Variants in ADGRL4 observed in about 807,000 individuals in gnomAD.
The protein encoded by ADGRL4 is EGF, latrophilin and seven transmembrane domain containing 1.
In ADGRL4, 90 loss-of-function variants were observed where a neutral mutation model predicts 74.8. That is an observed-to-expected ratio of 1.20 (90% CI 1.02 to 1.43). The LOEUF (loss-of-function observed/expected upper bound fraction) is 1.43. Among genes scored for constraint, ADGRL4 ranks in the 40% most tolerant of loss-of-function variants. The probability of loss-of-function intolerance (pLI) is 0.00; values close to 1 mark genes in which losing one functional copy is unlikely to be tolerated. For synonymous variants in ADGRL4, 311 were observed against 279.2 expected (o/e 1.11, Z -1.14); for missense variants, 881 against 814.3 (o/e 1.08, Z -1.00).
chr1:78,891,303 A>G, intron 14 of ADGRL4, 87 bp from the exon 15 acceptor site: 1 of 1,394,722 alleles, frequency 7.2e-7, no homozygotes, highest in South Asian at 1.4e-5. Flanking sequence ...ATTGTTACAT[A>G]TGGTTTTCTA....
intron 8 of ADGRL4, among the ~76,000 whole-genome samples, chr1:78,923,764 T>C (rs575158944): frequency 6.6e-6 from 1 of 151,336 alleles, no homozygotes; most frequent in African/African-American, 2.4e-5. Context: ...AAGTATAAAG[T>C]AAAAATAAAA....
Position 78,920,359 on chromosome 1 carries a change from T to A in ADGRL4, c.1285A>T (p.Arg429Trp), listed in dbSNP as rs1648971604. 1 of 1,597,962 alleles carries A rather than the reference T, an allele frequency of 6.3e-7. No individual in the cohort carries two copies. Among genetic ancestry groups the A allele is most frequent in the Non-Finnish European group, 8.6e-7 (1 of 1,167,240 alleles). ...IGIKDYNILT[R>W]ITQLGIIISL... ...ATAATTATTCCTAGTTGAGTGATCC[T>A]TGTAAGAATATTATAATCTTTAATA... Residue 429 changes from arginine (R) to tryptophan (W), a missense_variant, in exon 10 of 15, where the codon AGG (arginine) becomes TGG (tryptophan). Physicochemically the swap from Arg to Trp is moderately radical, Grantham distance 101 (BLOSUM62 -3). Transcript: ENST00000370742.
At chr1:78,919,644 A>G (rs936725009) in intron 10 of ADGRL4, among the ~76,000 whole-genome samples, 3 of 151,838 alleles carry the variant, frequency 2.0e-5, no homozygotes, top group African/African-American at 7.2e-5. Flanking sequence ...TAATAAATCT[A>G]TTGCATACTT....
intron 7 of ADGRL4, among the ~76,000 whole-genome samples, chr1:78,931,286 T>C (rs1197042853): frequency 2.6e-5 from 4 of 151,346 alleles, no homozygotes; most frequent in African/African-American, 9.8e-5. Context: ...TCAACATTCT[T>C]TAAGAAAAGA....
At chr1:78,896,519 T>C (rs1480145669) in intron 12 of ADGRL4, among the ~76,000 whole-genome samples, 9 of 152,154 alleles carry the variant, frequency 5.9e-5, no homozygotes, top group Admixed American at 5.2e-4. Context: ...AAGTTATCAG[T>C]CAGTGAACTC....
In ADGRL4 at chr1:78,891,225, T is replaced by G. The variant is rs780709172; in HGVS notation, c.2011-9A>C. The G allele has an allele frequency of 1.2e-5, 19 of 1,590,636 alleles. No homozygotes were observed. The South Asian group carries it at 2.2e-4, about 18-fold the overall frequency. On this transcript the variant is annotated splice_polypyrimidine_tract_variant and intron_variant, in intron 14 of 14. Transcript: ENST00000370742. ...TAATATTCTTCTTGAATCTAAAAAT[T>G]AAAAAAAGGAAAGGAAGAAATGTTA...
intron 2 of ADGRL4, among the ~76,000 whole-genome samples, chr1:78,960,062 GA>G (rs1416689335): frequency 1.3e-5 from 2 of 152,086 alleles, no homozygotes; most frequent in Non-Finnish European, 2.9e-5. Flanking sequence ...TTTAAGAAGT[GA>G]AACAGCCCAA....
At chr1:78,985,136 A>G (rs1650467458) in intron 2 of ADGRL4, among the ~76,000 whole-genome samples, 1 of 151,722 alleles carries the variant, frequency 6.6e-6, no homozygotes, top group South Asian at 2.1e-4. Flanking sequence ...GTTAAATTAT[A>G]ATAAAATGGG....
In ADGRL4 at chr1:78,891,004, C is replaced by A; in HGVS notation, c.*150G>T. The A allele has an allele frequency of 4.0e-6, 3 of 758,136 alleles. No individual in the cohort carries two copies. The highest frequency in any genetic ancestry group is 2.2e-5 in the Admixed American group (1 of 45,802). The allele number at this position is 758,136 out of a possible 1,614,324, so 47.0% of individuals were successfully genotyped here. A position where few individuals can be genotyped will look rare whatever the true frequency, so the allele number is the denominator to read the frequency against. On this transcript the variant is annotated 3_prime_UTR_variant, in exon 15 of 15. Transcript: ENST00000370742. Reference sequence around the variant, plus strand: ...TAATTTTACCTTATTATCTACAGTTCCTATAGCATAAACAGAAAAACTGAT... The same window carrying A: ...TAATTTTACCTTATTATCTACAGTTACTATAGCATAAACAGAAAAACTGAT...
intron 2 of ADGRL4, among the ~76,000 whole-genome samples, chr1:78,959,262 A>C (rs925651788): frequency 6.6e-6 from 1 of 152,232 alleles, no homozygotes; most frequent in Non-Finnish European, 1.5e-5. Context: ...TCATTGCTCT[A>C]CATAAATATT....
Position 78,917,969 on chromosome 1 carries a change from G to A in ADGRL4, c.1543C>T (p.Leu515Phe), listed in dbSNP as rs1451803593. 4 of 1,612,022 alleles carry A rather than the reference G, an allele frequency of 2.5e-6. No homozygotes were observed. In the South Asian group the frequency reaches 4.4e-5, roughly 18 times the overall value. ...ATGACACCCACAACAATGAGATAGA[G>A]ATGTATGCCTTCAATGCACATCCAT... is the stretch of plus-strand genomic sequence containing the variant. Reference protein sequence around the residue: ...FAWMCIEGIHLYLIVVGVIYN... With the variant: ...FAWMCIEGIHFYLIVVGVIYN... The change falls in exon 11 of 15, where the codon CTC (leucine) becomes TTC (phenylalanine). Residue 515 changes from leucine (L) to phenylalanine (F), a missense_variant. Coordinates refer to ENST00000370742, the MANE Select transcript of ADGRL4 (RefSeq NM_022159.4).
chr1:78,989,052 TTTG>T (rs1190670102), intron 2 of ADGRL4, among the ~76,000 whole-genome samples: 1 of 151,722 alleles, frequency 6.6e-6, no homozygotes, highest in Non-Finnish European at 1.5e-5. Flanking sequence ...CAGTAAAAGA[TTTG>T]TTAAGCCAAA....
intron 2 of ADGRL4, among the ~76,000 whole-genome samples, chr1:78,984,557 C>T (rs1650457482): frequency 6.6e-6 from 1 of 151,666 alleles, no homozygotes; most frequent in Admixed American, 6.6e-5. Context: ...GTAGTGTATG[C>T]AAGTTCTAAT....
chr1:78,921,800 A>T lies in ADGRL4; in HGVS notation c.1084-14T>A, dbSNP rs765720398. The T allele has an allele frequency of 2.8e-6, 4 of 1,427,452 alleles. 1 individual carries two copies. In the South Asian group the frequency reaches 6.1e-5, roughly 22 times the overall value. 88.4% of individuals were successfully genotyped at this position (1,427,452 alleles called of 1,614,324 possible). A position where few individuals can be genotyped will look rare whatever the true frequency, so the allele number is the denominator to read the frequency against. On this transcript the variant is annotated splice_polypyrimidine_tract_variant and intron_variant, in intron 8 of 14. Coordinates refer to ENST00000370742, the MANE Select transcript of ADGRL4 (RefSeq NM_022159.4). ...CCTATCTGTGACCTGAAAAAAAGAT[A>T]CTTTACTGATGAAAAAAGAGAAAAA...
intron 2 of ADGRL4, among the ~76,000 whole-genome samples, chr1:78,953,416 CA>C (rs956817992): frequency 2.2e-4 from 33 of 149,572 alleles, no homozygotes; most frequent in African/African-American, 6.1e-4. Flanking sequence ...CTCTCAGTTG[CA>C]AAAAAAAAGC....
At chr1:78,916,200 A>ACTTC (rs1648869482) in intron 12 of ADGRL4, among the ~76,000 whole-genome samples, 1 of 151,930 alleles carries the variant, frequency 6.6e-6, no homozygotes, top group Non-Finnish European at 1.5e-5. Context: ...TTCAAAGAAT[A>ACTTC]CTTCCCCTTT....
Position 78,939,175 on chromosome 1 carries a change from C to G in ADGRL4, c.396+13G>C, listed in dbSNP as rs767624944. Reference sequence around the variant, plus strand: ...ATGTCAAAATAAAATAAATTGTTAACTGTTCTACTTACTTTTGTTAAAGTT... The same window carrying G: ...ATGTCAAAATAAAATAAATTGTTAAGTGTTCTACTTACTTTTGTTAAAGTT... On this transcript the variant is annotated intron_variant, in intron 4 of 14. Coordinates refer to ENST00000370742, the MANE Select transcript of ADGRL4 (RefSeq NM_022159.4). 2 of 1,546,514 alleles carry G rather than the reference C, an allele frequency of 1.3e-6. No homozygotes were observed. The highest frequency in any genetic ancestry group is 1.7e-6 in the Non-Finnish European group (2 of 1,151,212).
intron 2 of ADGRL4, among the ~76,000 whole-genome samples, chr1:78,990,847 A>G (rs1557522843): frequency 6.6e-6 from 1 of 151,990 alleles, no homozygotes; most frequent in South Asian, 2.1e-4. Context: ...ATAAAGGTCC[A>G]GAAATAATCT....
At chr1:78,957,088 C>A (rs930232810) in intron 2 of ADGRL4, among the ~76,000 whole-genome samples, 11 of 152,152 alleles carry the variant, frequency 7.2e-5, no homozygotes, top group Admixed American at 5.9e-4. Flanking sequence ...ATGCCATGAA[C>A]CATGCCCATA....
Sources: allele counts gnomAD v4.1 joint callset (sites outside exome capture counted in the v4.1 genomes callset), GRCh38; gene constraint gnomAD v4.1.1; transcripts MANE v1.5; gene names NCBI Gene and HGNC (gene_info 2026-07-23, HGNC 2026-07-21).